The following NEURL3 variants were observed in gnomAD, a reference collection of about 807,000 sequenced individuals.
The protein encoded by NEURL3 is neuralized E3 ubiquitin protein ligase 3, also known as E3 ubiquitin-protein ligase NEURL3.
A neutral mutation model predicts 17.6 loss-of-function variants in NEURL3; 19 were observed. That is an observed-to-expected ratio of 1.08 (90% confidence interval 0.75 to 1.58). The LOEUF (loss-of-function observed/expected upper bound fraction) is 1.58. Ranked by LOEUF, NEURL3 falls within the 40% of genes most tolerant of loss-of-function variation. The pLI, the probability that NEURL3 is intolerant of heterozygous loss-of-function variation, is 0.00. For missense variants in NEURL3, 342 were observed against 379.6 expected (o/e 0.90, Z 0.82); for synonymous variants, 180 against 161.4 (o/e 1.11, Z -0.87).
intron 2 of NEURL3, chr2:96,500,187 A>G: frequency 1.8e-6 from 1 of 551,208 alleles, no homozygotes; most frequent in Non-Finnish European, 3.2e-6. Context: ...ACACTCTAAC[A>G]GGTGTTTGAG....
At chr2:96,499,218 G>A (rs1403445670) in intron 3 of NEURL3, 160 bp downstream of exon 3, 4 of 1,405,550 alleles carry the variant, frequency 2.8e-6, no homozygotes, top group Non-Finnish European at 3.7e-6. Context: ...CGAAGGCAGA[G>A]ATGCCAGGTT....
At chr2:96,500,165 A>G (rs2065487662) in intron 2 of NEURL3, 1 of 484,526 alleles carries the variant, frequency 2.1e-6, no homozygotes. Flanking sequence ...CTTCCTTTGT[A>G]AAAGGAGATG....
chr2:96,498,307 C>A lies in NEURL3; in HGVS notation c.726G>T (p.Trp242Cys). The A allele has an allele frequency of 6.3e-7, 1 of 1,596,022 alleles. No homozygotes were observed. Among genetic ancestry groups the A allele is most frequent in the East Asian group, 2.2e-5 (1 of 44,760 alleles). Residue 242 changes from tryptophan (W) to cysteine (C), a missense_variant, in exon 4 of 4, where the codon TGG (tryptophan) becomes TGT (cysteine). Trp to Cys is a radical substitution (Grantham distance 215, BLOSUM62 -2). Coordinates refer to ENST00000451794, the MANE Select transcript of NEURL3 (RefSeq NM_001285485.2). The surrounding 1 kb of genome is among the most constrained non-coding windows in gnomAD (Gnocchi z 4.4). Reference protein sequence around the residue: ...SDTAKCPVCRWQIEAVAPAQG... With the variant: ...SDTAKCPVCRCQIEAVAPAQG... ...GCGCAGGGGCTACCGCCTCTATCTG[C>A]CAGCGGCACACAGGGCACTTGGCCG...
In NEURL3 at chr2:96,498,261, C is replaced by T; in HGVS notation, c.772G>A (p.Val258Ile). Residue 258 changes from valine to isoleucine, a missense_variant, in exon 4 of 4, where the codon GTT becomes ATT. Val to Ile is a conservative substitution (Grantham distance 29). Coordinates refer to ENST00000451794, the MANE Select transcript of NEURL3 (RefSeq NM_001285485.2). This position sits in a 1 kb window ranked among gnomAD's most constrained non-coding sequence, Gnocchi z 4.4. ...GCCTCCTTTCATGAGCCTTCCTCAACCCTCAGAGCAGGAGGGCCCTGCGCA... is the reference window on the plus strand; with the variant it reads ...GCCTCCTTTCATGAGCCTTCCTCAATCCTCAGAGCAGGAGGGCCCTGCGCA... Reference protein sequence around the residue: ...APAQGPPALRVEEGS With the variant: ...APAQGPPALRIEEGS 2 of 1,565,440 alleles carry T rather than the reference C, an allele frequency of 1.3e-6. No homozygotes were observed. The highest frequency in any genetic ancestry group is 1.7e-6 in the Non-Finnish European group (2 of 1,162,984).
intron 1 of NEURL3, 28 bp from the exon 2 acceptor site, chr2:96,500,952 T>G (rs2065501812): frequency 6.5e-7 from 1 of 1,529,418 alleles, no homozygotes; most frequent in Non-Finnish European, 8.7e-7. Context: ...GGAGTGTCAG[T>G]GCTAACCGGG....
chr2:96,505,251 C>A lies in NEURL3; in HGVS notation c.28+8G>T. ...ACCAAGCTCCAGGCTTGCAGGAGGT[C>A]TACTTACTGGCCTCGAAGCAGAGCT... On this transcript the variant is annotated splice_region_variant and intron_variant, in intron 1 of 3. Transcript: ENST00000451794. 6.3e-7 allele frequency: 1 copy of A among 1,599,224 alleles called. No homozygotes were observed. The highest frequency in any genetic ancestry group is 8.5e-7 in the Non-Finnish European group (1 of 1,179,794).
chr2:96,499,628 G>C (rs2065479504), intron 2 of NEURL3, among the ~76,000 whole-genome samples, 179 bp from the exon 3 acceptor site: 1 of 152,128 alleles, frequency 6.6e-6, no homozygotes. Context: ...TGACCCAGCT[G>C]AGAATCCGAG....
At position 96,497,682 on chromosome 2, in the gene NEURL3, A is replaced by G. The variant is rs1036821979; in HGVS notation, c.*562T>C. The G allele has an allele frequency of 6.6e-6, 1 of 152,510 alleles. No homozygotes were observed. The highest frequency in any genetic ancestry group is 2.1e-4 in the South Asian group (1 of 4,842). The allele number at this position is 152,510 out of a possible 1,614,324, so 9.4% of individuals were successfully genotyped here. ...CAAACTTTATTTTGATATCTCAGAA[A>G]CTGGCAAGGAAATTACCACAGTGAC... On this transcript the variant is annotated 3_prime_UTR_variant, in exon 4 of 4. Transcript: ENST00000451794.
intron 1 of NEURL3, among the ~76,000 whole-genome samples, chr2:96,503,252 C>T (rs2065527482): frequency 6.6e-6 from 1 of 152,202 alleles, no homozygotes; most frequent in African/African-American, 2.4e-5. Context: ...CCTTGAGAAG[C>T]AGGCCTTGCC....
In NEURL3 at chr2:96,505,346, A is replaced by T; in HGVS notation, c.-60T>A. ...TAGAAGGAACTGCCTGGAGAAGGCC[A>T]GTGGACAGGTTACCAAAGATTCAGC... On this transcript the variant is annotated 5_prime_UTR_variant, in exon 1 of 4. Coordinates refer to ENST00000451794, the MANE Select transcript of NEURL3 (RefSeq NM_001285485.2). The T allele has an allele frequency of 1.3e-6, 2 of 1,566,086 alleles. No homozygotes were observed. Among genetic ancestry groups the T allele is most frequent in the Admixed American group, 3.4e-5 (2 of 59,562 alleles).
chr2:96,504,877 C>CAAAAAAAAAAAAAAAAAAAAA lies in NEURL3; in HGVS notation c.28+361_28+381dup, dbSNP rs1157285400. Among the ~76,000 whole-genome samples the CAAAAAAAAAAAAAAAAAAAAA allele has an allele frequency of 1.7e-3, 93 of 55,268 alleles. 3 individuals carry two copies. Among genetic ancestry groups the CAAAAAAAAAAAAAAAAAAAAA allele is most frequent in the East Asian group, 3.9e-3 (5 of 1,288 alleles). The allele number at this position is 55,268 out of a possible 152,430, so 36.3% of individuals were successfully genotyped here. ...TGGGCAACAGAGCGAGACTCCGTCTCAAAAAAAAAAAAAAAAAAAAAAAGA... is the reference window on the plus strand; with the variant it reads ...TGGGCAACAGAGCGAGACTCCGTCTCAAAAAAAAAAAAAAAAAAAAAAAAAAAAAAAAAAAAAAAAAAAAGA... On this transcript the variant is annotated intron_variant, in intron 1 of 3. Transcript: ENST00000451794.
chr2:96,507,535 G>A (rs2065570668), upstream of NEURL3, among the ~76,000 whole-genome samples: 1 of 152,144 alleles, frequency 6.6e-6, no homozygotes. Flanking sequence ...CACGATCTCG[G>A]CTCACTGCAA....
intron 1 of NEURL3, among the ~76,000 whole-genome samples, chr2:96,503,514 G>T (rs1335702340): frequency 6.6e-6 from 1 of 152,210 alleles, no homozygotes; most frequent in Non-Finnish European, 1.5e-5. Flanking sequence ...TTAGGGCACA[G>T]CCTCTCATCT....
rs766707079 is a variant in NEURL3, at chr2:96,500,809, G to A, written c.144C>T (p.Ile48=). Residue 48 remains isoleucine, a synonymous_variant, in exon 2 of 4, where the codon ATC becomes ATT. Coordinates refer to ENST00000451794, the MANE Select transcript of NEURL3 (RefSeq NM_001285485.2). ...GGCGCACCGGCCGCTGGCTGAACAC[G>A]ATGCCGTCGTGGAACGTGGTGCGCC... ...AHRRTTFHDG[I]VFSQRPVRLG... 10 of 1,527,164 alleles carry A rather than the reference G, an allele frequency of 6.5e-6. No homozygotes were observed. In the South Asian group the frequency reaches 1.1e-4, roughly 16 times the overall value. The allele number at this position is 1,527,164 out of a possible 1,614,324, so 94.6% of individuals were successfully genotyped here. A position where few individuals can be genotyped will look rare whatever the true frequency, so the allele number is the denominator to read the frequency against.
At chr2:96,499,168 T>TA in intron 3 of NEURL3, 1 of 1,382,822 alleles carries the variant, frequency 7.2e-7, no homozygotes, top group East Asian at 2.7e-5. Flanking sequence ...TGTCTGTTCA[T>TA]AAAAGTGCTC....
At chr2:96,504,104 TAG>T (rs1306368135) in intron 1 of NEURL3, among the ~76,000 whole-genome samples, 1 of 151,950 alleles carries the variant, frequency 6.6e-6, no homozygotes, top group Non-Finnish European at 1.5e-5. Context: ...CCAGGACAGG[TAG>T]AGTCAGATTC....
chr2:96,503,629 G>C (rs2065531767), intron 1 of NEURL3, among the ~76,000 whole-genome samples: 1 of 152,142 alleles, frequency 6.6e-6, no homozygotes, highest in Non-Finnish European at 1.5e-5. Context: ...CCTGGCAAGG[G>C]CCCACAGGAC....
upstream of NEURL3, among the ~76,000 whole-genome samples, chr2:96,506,814 T>G (rs891484598): frequency 6.6e-6 from 1 of 152,242 alleles, no homozygotes. Context: ...TGGCAAGCTA[T>G]GGCCCTCAGG....
chr2:96,502,552 T>A (rs1425181507), intron 1 of NEURL3, among the ~76,000 whole-genome samples: 1 of 152,236 alleles, frequency 6.6e-6, no homozygotes, highest in African/African-American at 2.4e-5. Context: ...TCTGGAGTCT[T>A]GTTCACTGCC....
Sources: gnomAD v4.1 joint callset for allele counts (sites outside exome capture counted in the v4.1 genomes callset) on GRCh38, gnomAD v4.1.1 for gene constraint, Gnocchi (gnomAD v3.1) non-coding constraint, MANE v1.5 for transcripts, NCBI Gene and HGNC (gene_info 2026-07-23, HGNC 2026-07-21) for gene names.